The following SDE2 variants were observed in gnomAD, a reference collection of about 807,000 sequenced individuals.
SDE2 encodes spliceosome associated SDE2, also known as splicing regulator SDE2.
In SDE2, 31 loss-of-function variants were observed where a neutral mutation model predicts 46.9. The ratio of observed to expected loss-of-function variants is 0.66; its 90% CI spans 0.50 to 0.89. SDE2 has a LOEUF of 0.89. Among genes scored for constraint, SDE2 ranks in the 40% least tolerant of loss-of-function variants. SDE2 has a pLI of 0.00. For synonymous variants in SDE2, 205 were observed against 204.3 expected (o/e 1.00, Z -0.03); for missense variants, 542 against 564.4 (o/e 0.96, Z 0.40).
At chr1:225,992,648 T>A in intron 3 of SDE2, 81 bp from the exon 4 acceptor site, 1 of 936,400 alleles carries the variant, frequency 1.1e-6, no homozygotes, top group Non-Finnish European at 1.6e-6. Context: ...TCTGACGAAT[T>A]AATGCACTTG....
chr1:225,990,264 C>T (rs1336246612), intron 5 of SDE2, among the ~76,000 whole-genome samples: 1 of 152,066 alleles, frequency 6.6e-6, no homozygotes, highest in Non-Finnish European at 1.5e-5. Flanking sequence ...GGATGAATCT[C>T]TAAAGCTTTA....
chr1:225,994,992 C>T (rs1656489734), intron 2 of SDE2, among the ~76,000 whole-genome samples: 3 of 151,984 alleles, frequency 2.0e-5, no homozygotes, highest in African/African-American at 4.8e-5. Flanking sequence ...TGCAGTGAGC[C>T]GTGATCGTAC....
chr1:225,991,187 G>T, intron 5 of SDE2, 56 bp downstream of exon 5: 1 of 1,561,960 alleles, frequency 6.4e-7, no homozygotes, highest in Non-Finnish European at 8.8e-7. Flanking sequence ...AAACAAGGAG[G>T]AAATGTCTCA....
intron 5 of SDE2, among the ~76,000 whole-genome samples, chr1:225,990,187 T>TAAATAA (rs1291596879): frequency 2.0e-5 from 3 of 151,958 alleles, no homozygotes; most frequent in Non-Finnish European, 2.9e-5. Context: ...CAAACTGTGG[T>TAAATAA]ACATTCACAC....
At chr1:225,998,283 A>C (rs1206784181) in intron 1 of SDE2, among the ~76,000 whole-genome samples, 2 of 152,176 alleles carry the variant, frequency 1.3e-5, no homozygotes, top group African/African-American at 4.8e-5. Context: ...AAAGTGAAAA[A>C]CCGTATTATT....
At chr1:225,985,904 G>C (rs1214603359) in intron 6 of SDE2, among the ~76,000 whole-genome samples, 1 of 152,168 alleles carries the variant, frequency 6.6e-6, no homozygotes, top group African/African-American at 2.4e-5. Context: ...CCATGCCTCT[G>C]AATCTACTAA....
rs557307999 is a variant in SDE2 at position 225,986,673 on chromosome 1, G to C, written c.1135-1150C>G. ...CATGGCTAACACTGAAAAATATCAG[G>C]TTTTATCCTATGATTCCTTTTTTAT... On this transcript the variant is annotated intron_variant, in intron 6 of 6. Transcript: ENST00000272091. 4.6e-5 allele frequency among the ~76,000 whole-genome samples: 7 copies of C among 152,228 alleles called. No individual in the cohort carries two copies. The East Asian group carries it at 1.4e-3, about 29-fold the overall frequency.
At position 225,995,284 on chromosome 1, in the gene SDE2, G is replaced by C. The variant is rs776559380; in HGVS notation, c.220C>G (p.Leu74Val). 6.2e-7 allele frequency: 1 copy of C among 1,601,956 alleles called. No individual in the cohort carries two copies. The change falls in exon 2 of 7, where the codon CTT becomes GTT. Residue 74 changes from leucine (L) to valine (V), a missense_variant. Leu to Val is a conservative substitution (Grantham distance 32, BLOSUM62 1). Coordinates refer to ENST00000272091, the MANE Select transcript of SDE2 (RefSeq NM_152608.4). ...GTCCTACCTCCTTTTCCACCGCAAA[G>C]TCTGGGTTCCAAACTATAAACAGCT... ...HGAVYSLEPR[L>V]CGGKGGFGSM...
chr1:225,998,073 G>A (rs1243854265), intron 1 of SDE2, among the ~76,000 whole-genome samples: 7 of 152,174 alleles, frequency 4.6e-5, no homozygotes, highest in Non-Finnish European at 5.9e-5. Context: ...GGTTGCAGTG[G>A]GCCGAGATCA....
chr1:225,988,389 C>G lies in SDE2; in HGVS notation c.642-1G>C, dbSNP rs1656318495. ...AGTCTCTAGTCCCTCCATGCCCAAC[C>G]TGTCAGAAGCAACAGAAAGGTTTAA... On this transcript the variant is annotated splice_acceptor_variant, in intron 5 of 6. Transcript: ENST00000272091. LOFTEE classifies it high-confidence loss of function. 6.2e-7 allele frequency: 1 copy of G among 1,613,232 alleles called. No homozygotes were observed. The highest frequency in any genetic ancestry group is 1.3e-5 in the African/African-American group (1 of 74,890).
Position 225,985,389 on chromosome 1 carries a change from T to C in SDE2, c.1269A>G (p.Ala423=). The change falls in exon 7 of 7, where the codon GCA becomes GCG. Residue 423 remains alanine, a synonymous_variant. Coordinates refer to ENST00000272091, the MANE Select transcript of SDE2 (RefSeq NM_152608.4). ...LKCGGTLQER[A]ARLFSVRGLA... is the part of the protein sequence containing the mutation. ...GTCCTCTGACAGAGAAGAGTCTTGCTGCCCGCTCCTGCAGAGTGCCCCCAC... is the reference window on the plus strand; with the variant it reads ...GTCCTCTGACAGAGAAGAGTCTTGCCGCCCGCTCCTGCAGAGTGCCCCCAC... 1 of 1,614,228 alleles carries C rather than the reference T, an allele frequency of 6.2e-7. No homozygotes were observed. Among genetic ancestry groups the C allele is most frequent in the Non-Finnish European group, 8.5e-7 (1 of 1,180,026 alleles).
intron 6 of SDE2, among the ~76,000 whole-genome samples, chr1:225,986,979 G>A (rs1370289872): frequency 6.6e-6 from 1 of 152,206 alleles, no homozygotes; most frequent in African/African-American, 2.4e-5. Context: ...GATTTTTGCT[G>A]GAAGCCAGTC....
rs1352950397 is a variant in SDE2 at position 225,987,930 on chromosome 1, A to T, written c.1100T>A (p.Val367Asp). ...VAPEERENVA[V>D]AKLQESQPGN... is the part of the protein sequence containing the mutation. ...TGGCTGGCTTTCCTGCAGTTTGGCA[A>T]CGGCAACGTTTTCCCTTTCTTCAGG... is the stretch of plus-strand genomic sequence containing the variant. The change falls in exon 6 of 7, where the codon GTT becomes GAT. Residue 367 changes from valine to aspartate, a missense_variant. Physicochemically the swap from Val to Asp is radical, Grantham distance 152. Around this residue, in one of 3 missense-constraint regions of SDE2, gnomAD observed 401 missense variants for 437.8 expected, o/e 0.92. Transcript: ENST00000272091. The T allele has an allele frequency of 6.2e-7, 1 of 1,612,388 alleles. No individual in the cohort carries two copies. The highest frequency in any genetic ancestry group is 8.5e-7 in the Non-Finnish European group (1 of 1,179,616).
intron 5 of SDE2, among the ~76,000 whole-genome samples, chr1:225,988,939 T>C (rs547591704): frequency 6.6e-6 from 1 of 152,256 alleles, no homozygotes; most frequent in Non-Finnish European, 1.5e-5. Context: ...AAAAGCAAAA[T>C]TGATTTTGCT....
At chr1:225,988,436 A>G (rs1558083661) in intron 5 of SDE2, 48 bp from the exon 6 acceptor site, 2 of 1,597,928 alleles carry the variant, frequency 1.3e-6, no homozygotes, top group Middle Eastern at 1.7e-4. Context: ...GCTTCTATTT[A>G]AAGCAAAGAG....
At position 225,992,886 on chromosome 1, in the gene SDE2, CT is replaced by C; in HGVS notation, c.350+4del. 1 of 1,565,766 alleles carries C rather than the reference CT, an allele frequency of 6.4e-7. No individual in the cohort carries two copies. The highest frequency in any genetic ancestry group is 8.8e-7 in the Non-Finnish European group (1 of 1,136,234). On this transcript the variant is annotated splice_donor_region_variant and intron_variant, in intron 3 of 6. Coordinates refer to ENST00000272091, the MANE Select transcript of SDE2 (RefSeq NM_152608.4). ...CAAAAACACAAAAAAAGGTGGGCAT[CT>C]TACGCTTTTTCATGATTGACATCGC...
At chr1:225,997,162 CAAAAACA>C (rs1466060921) in intron 1 of SDE2, among the ~76,000 whole-genome samples, 2 of 151,996 alleles carry the variant, frequency 1.3e-5, no homozygotes, top group African/African-American at 4.8e-5. Flanking sequence ...GTGGGGGAAA[CAAAAACA>C]AAAAACAAAA....
Position 225,987,820 on chromosome 1 carries a change from C to T in SDE2, c.1134+76G>A, listed in dbSNP as rs1372974929. 7 of 1,314,146 alleles carry T rather than the reference C, an allele frequency of 5.3e-6. No individual in the cohort carries two copies. The South Asian group carries it at 5.7e-5, about 11-fold the overall frequency. The allele number at this position is 1,314,146 out of a possible 1,614,324, so 81.4% of individuals were successfully genotyped here. On this transcript the variant is annotated intron_variant, in intron 6 of 6. Transcript: ENST00000272091. The stretch of plus-strand genomic sequence containing the variant: ...TCACTAAGCAGCTGAGGGGCAAAAG[C>T]ACATTTTCATTTTAATGACTTATTG...
intron 4 of SDE2, among the ~76,000 whole-genome samples, chr1:225,991,772 T>C (rs1181441301): frequency 6.6e-6 from 1 of 152,206 alleles, no homozygotes; most frequent in Non-Finnish European, 1.5e-5. Context: ...CAAAAGTTAA[T>C]GAGAATCATT....
Sources: allele counts gnomAD v4.1 joint callset (sites outside exome capture counted in the v4.1 genomes callset), GRCh38; gene constraint gnomAD v4.1.1; regional missense constraint gnomAD v4.1.1; transcripts MANE v1.5; gene names NCBI Gene and HGNC (gene_info 2026-07-23, HGNC 2026-07-21).